SPIRE2: variants seen among roughly 807,000 people sequenced by gnomAD.
SPIRE2 encodes spire type actin nucleation factor 2.
A neutral mutation model predicts 80.7 loss-of-function variants in SPIRE2; 76 were observed. The observed-to-expected ratio is 0.94, with a 90% confidence interval of 0.78 to 1.14. SPIRE2 has a LOEUF of 1.14. Ranked by LOEUF, SPIRE2 falls within the 50% of genes most tolerant of loss-of-function variation. The pLI is 0.00. For synonymous variants in SPIRE2, 535 were observed against 432.6 expected (o/e 1.24, Z -2.94); for missense variants, 1,196 against 1,015.3 (o/e 1.18, Z -2.42).
intron 1 of SPIRE2, chr16:89,836,123 C>G (rs2041446646): frequency 4.5e-6 from 2 of 445,748 alleles, no homozygotes; most frequent in Admixed American, 2.4e-5. Flanking sequence ...TGTAGTGAGT[C>G]GAGATTGCGC....
At chr16:89,846,858 C>T (rs1209607352) in intron 2 of SPIRE2, 1 of 117,818 alleles carries the variant, frequency 8.5e-6, no homozygotes, top group African/African-American at 3.3e-5. Flanking sequence ...CAGGGGGAGT[C>T]CAGTGGCGTG....
At chr16:89,840,481 C>G (rs951080898) in intron 1 of SPIRE2, among the ~76,000 whole-genome samples, 2 of 150,910 alleles carry the variant, frequency 1.3e-5, no homozygotes, top group Non-Finnish European at 2.9e-5. Context: ...GATCTCCTGA[C>G]CTTGGGATCC....
intron 1 of SPIRE2, chr16:89,836,330 G>C (rs1470223169): frequency 4.5e-6 from 2 of 448,650 alleles, no homozygotes; most frequent in Non-Finnish European, 9.0e-6. Flanking sequence ...TTAGAACACA[G>C]ACAGCTTTAG....
chr16:89,865,467 C>T (rs1450555073), intron 12 of SPIRE2, among the ~76,000 whole-genome samples: 1 of 152,046 alleles, frequency 6.6e-6, no homozygotes, highest in Non-Finnish European at 1.5e-5. Context: ...AAAACAGTTA[C>T]AGCTAATAAG....
intron 2 of SPIRE2, 73 bp from the exon 3 acceptor site, chr16:89,850,231 G>C: frequency 7.5e-7 from 1 of 1,339,046 alleles, no homozygotes; most frequent in African/African-American, 1.4e-5. Context: ...TGGGCCCTCT[G>C]CACCCACCAG....
chr16:89,844,385 A>G (rs528762558), intron 1 of SPIRE2, among the ~76,000 whole-genome samples: 1 of 151,474 alleles, frequency 6.6e-6, no homozygotes, highest in Admixed American at 6.6e-5. Flanking sequence ...CATGTTGGTC[A>G]GGCTGGTCTT....
intron 3 of SPIRE2, 51 bp downstream of exon 3, chr16:89,850,711 G>T: frequency 9.7e-7 from 1 of 1,028,332 alleles, no homozygotes; most frequent in Non-Finnish European, 1.3e-6. Flanking sequence ...CCAGGGAGGG[G>T]AGCAGTGGGT....
At chr16:89,864,695 A>T (rs897026974) in intron 12 of SPIRE2, among the ~76,000 whole-genome samples, 7 of 152,242 alleles carry the variant, frequency 4.6e-5, no homozygotes, top group African/African-American at 1.7e-4. Context: ...ACTAACGTGG[A>T]GTAAGTAGCC....
intron 8 of SPIRE2, 105 bp from the exon 9 acceptor site, chr16:89,859,060 G>T (rs886708776): frequency 3.7e-6 from 4 of 1,078,436 alleles, no homozygotes; most frequent in Non-Finnish European, 3.9e-6. Flanking sequence ...GCCCCACATC[G>T]CAGCAGACCC....
chr16:89,838,468 G>C (rs537089114), intron 1 of SPIRE2, among the ~76,000 whole-genome samples: 1 of 151,568 alleles, frequency 6.6e-6, no homozygotes, highest in Admixed American at 6.6e-5. Flanking sequence ...ACAGGCGTGA[G>C]CCACCGTCCC....
In SPIRE2 at chr16:89,848,524, T is replaced by TGCG. The variant is rs1567672895; in HGVS notation, c.289-1779_289-1778insCGG. Among the ~76,000 whole-genome samples the TGCG allele has an allele frequency of 1.2e-4, 17 of 141,638 alleles. 1 individual carries two copies. Among genetic ancestry groups the TGCG allele is most frequent in the South Asian group, 8.7e-4 (4 of 4,624 alleles). The allele number at this position is 141,638 out of a possible 152,430, so 92.9% of individuals were successfully genotyped here. A position where few individuals can be genotyped will look rare whatever the true frequency, so the allele number is the denominator to read the frequency against. On this transcript the variant is annotated intron_variant, in intron 2 of 14. Transcript: ENST00000378247. ...AGACGAGGCAGGTTCCAGGGCCTTC[T>TGCG]GTGGTGTTTCTGCAGGACAGACGAG...
chr16:89,838,673 C>T (rs897198621), intron 1 of SPIRE2, among the ~76,000 whole-genome samples: 1 of 152,190 alleles, frequency 6.6e-6, no homozygotes, highest in Non-Finnish European at 1.5e-5. Context: ...CACTCTCACA[C>T]CTTGATTTCT....
chr16:89,849,277 T>A (rs1381125882), intron 2 of SPIRE2, among the ~76,000 whole-genome samples: 1 of 152,090 alleles, frequency 6.6e-6, no homozygotes. Context: ...GGCACAGAGC[T>A]GAGAGAGGGG....
intron 12 of SPIRE2, among the ~76,000 whole-genome samples, 180 bp downstream of exon 12, chr16:89,864,041 A>G (rs909797559): frequency 1.2e-4 from 18 of 152,228 alleles, no homozygotes; most frequent in African/African-American, 4.3e-4. Flanking sequence ...TATTTAAATT[A>G]AATTAAATTT....
At chr16:89,853,710 C>T (rs767251017) in intron 3 of SPIRE2, among the ~76,000 whole-genome samples, 6 of 152,142 alleles carry the variant, frequency 3.9e-5, no homozygotes, top group Admixed American at 6.5e-5. Flanking sequence ...CCACCGAGAT[C>T]GTGCGTGACG....
chr16:89,849,562 G>T (rs1384873244), intron 2 of SPIRE2, among the ~76,000 whole-genome samples: 1 of 152,176 alleles, frequency 6.6e-6, no homozygotes, highest in African/African-American at 2.4e-5. Context: ...CCGTGTAATT[G>T]TCCATCGACC....
intron 3 of SPIRE2, among the ~76,000 whole-genome samples, chr16:89,852,933 C>A (rs1463600849): frequency 1.5e-5 from 1 of 65,424 alleles, no homozygotes; most frequent in Admixed American, 1.7e-4. Context: ...TCTCACCCCC[C>A]GCATCCCATG....
At chr16:89,840,889 G>A (rs1379751198) in intron 1 of SPIRE2, among the ~76,000 whole-genome samples, 26 of 151,764 alleles carry the variant, frequency 1.7e-4, no homozygotes, top group Admixed American at 5.3e-4. Flanking sequence ...CGCCTGCCTC[G>A]GCCTCCCAAA....
intron 9 of SPIRE2, 149 bp from the exon 10 acceptor site, chr16:89,860,534 C>T: frequency 1.7e-6 from 1 of 601,748 alleles, no homozygotes; most frequent in Non-Finnish European, 2.9e-6. Context: ...GCTAGAACTG[C>T]CCGTGTAGCT....
Sources: allele counts gnomAD v4.1 joint callset (sites outside exome capture counted in the v4.1 genomes callset), GRCh38; gene constraint gnomAD v4.1.1; transcripts MANE v1.5; gene names NCBI Gene and HGNC (gene_info 2026-07-23, HGNC 2026-07-21).